AHCYL1: variants seen among roughly 807,000 people sequenced by gnomAD.
AHCYL1 encodes the protein adenosylhomocysteinase like 1, also known as S-adenosylhomocysteine hydrolase-like protein 1.
A neutral mutation model predicts 79.3 loss-of-function variants in AHCYL1; 20 were observed. The ratio of observed to expected loss-of-function variants is 0.25; its 90% CI spans 0.18 to 0.37. AHCYL1 has a LOEUF of 0.37. Ranked by LOEUF, AHCYL1 falls within the 10% of genes least tolerant of loss-of-function variation. The pLI, the probability that AHCYL1 is intolerant of heterozygous loss-of-function variation, is 1.00. For synonymous variants in AHCYL1, 223 were observed against 242.2 expected (o/e 0.92, Z 0.74); for missense variants, 330 against 673.6 (o/e 0.49, Z 5.65).
intron 11 of AHCYL1, 71 bp downstream of exon 11, chr1:110,018,087 C>A: frequency 1.3e-6 from 2 of 1,494,104 alleles, no homozygotes; most frequent in Non-Finnish European, 1.9e-6. Context: ...GACTTTCATA[C>A]AAAGGAGGTG....
At chr1:109,987,252 T>C (rs187360211) in intron 1 of AHCYL1, among the ~76,000 whole-genome samples, 4 of 152,344 alleles carry the variant, frequency 2.6e-5, no homozygotes, top group Admixed American at 2.0e-4. Flanking sequence ...AGGCAATCTG[T>C]TTTTCAGAAC....
intron 1 of AHCYL1, among the ~76,000 whole-genome samples, chr1:109,994,530 C>T (rs1280572351): frequency 1.3e-5 from 2 of 152,158 alleles, no homozygotes; most frequent in African/African-American, 2.4e-5. Context: ...CTCAGGTGAT[C>T]CACCCGCCAT....
At chr1:109,999,237 T>C (rs1237339407) in intron 1 of AHCYL1, among the ~76,000 whole-genome samples, 1 of 152,210 alleles carries the variant, frequency 6.6e-6, no homozygotes, top group Non-Finnish European at 1.5e-5. Context: ...GTCAAGCTAG[T>C]TAATATATCC....
intron 1 of AHCYL1, among the ~76,000 whole-genome samples, chr1:110,005,332 TCTAAGTTAAAC>T (rs763439355): frequency 8.5e-4 from 129 of 152,330 alleles, no homozygotes; most frequent in Non-Finnish European, 1.4e-3. Flanking sequence ...TGACAAGATG[TCTAAGTTAAAC>T]CTAAGTTAAA....
At chr1:110,006,511 AC>A (rs1398510921) in intron 1 of AHCYL1, among the ~76,000 whole-genome samples, 1 of 152,186 alleles carries the variant, frequency 6.6e-6, no homozygotes, top group Non-Finnish European at 1.5e-5. Flanking sequence ...AGTGAGTCCA[AC>A]CCAATCAGAA....
At chr1:110,001,100 C>T (rs903091015) in intron 1 of AHCYL1, 1 of 317,842 alleles carries the variant, frequency 3.1e-6, no homozygotes, top group Non-Finnish European at 4.5e-6. Flanking sequence ...AAGAGTTCAA[C>T]AAAAATGGTT....
intron 1 of AHCYL1, among the ~76,000 whole-genome samples, chr1:109,997,244 C>A (rs1340581414): frequency 6.6e-6 from 1 of 152,090 alleles, no homozygotes; most frequent in East Asian, 1.9e-4. Context: ...AATTCCTAGA[C>A]TGAGAGTGAT....
chr1:110,001,532 C>T (rs922071412), intron 1 of AHCYL1, among the ~76,000 whole-genome samples: 1 of 152,124 alleles, frequency 6.6e-6, no homozygotes, highest in Non-Finnish European at 1.5e-5. Context: ...GGTTCTTATA[C>T]CCTATGAACC....
intron 1 of AHCYL1, among the ~76,000 whole-genome samples, chr1:109,993,939 A>C (rs537829676): frequency 1.3e-5 from 2 of 152,316 alleles, no homozygotes; most frequent in African/African-American, 4.8e-5. Flanking sequence ...TTGATTTTGG[A>C]AAGTACATTG....
intron 1 of AHCYL1, among the ~76,000 whole-genome samples, chr1:109,994,141 T>C (rs1649902750): frequency 6.6e-6 from 1 of 152,242 alleles, no homozygotes; most frequent in South Asian, 2.1e-4. Flanking sequence ...CCAATGCTTA[T>C]CCTAGCCAGA....
chr1:110,019,214 A>T, intron 14 of AHCYL1, 95 bp downstream of exon 14: 1 of 1,232,518 alleles, frequency 8.1e-7, no homozygotes, highest in East Asian at 2.3e-5. Context: ...TGTTCTCATC[A>T]TCCTATTCTT....
At position 110,012,873 on chromosome 1, in the gene AHCYL1, C is replaced by T. The variant is rs202012516; in HGVS notation, c.478-24C>T. The T allele has an allele frequency of 5.7e-6, 9 of 1,590,138 alleles. No individual in the cohort carries two copies. The East Asian group carries it at 1.4e-4, about 24-fold the overall frequency. ...CTGGGTGGCCCTTCTCTTCCTCACC[C>T]TGTCTTCCTACACTTCTACACAGGT... On this transcript the variant is annotated intron_variant, in intron 4 of 16. Coordinates refer to ENST00000369799, the MANE Select transcript of AHCYL1 (RefSeq NM_006621.7).
intron 1 of AHCYL1, among the ~76,000 whole-genome samples, chr1:109,992,744 T>G (rs774449586): frequency 8.5e-5 from 13 of 152,216 alleles, no homozygotes; most frequent in Admixed American, 3.9e-4. Context: ...TCTTACTCTT[T>G]GAGTCAGAGG....
chr1:110,011,396 C>G (rs745488490), intron 3 of AHCYL1, 39 bp downstream of exon 3: 2 of 1,604,028 alleles, frequency 1.2e-6, no homozygotes, highest in Non-Finnish European at 1.7e-6. Flanking sequence ...AGAAACAACC[C>G]TCTTGTTGGC....
chr1:110,011,032 A>T (rs1417186038), intron 2 of AHCYL1, among the ~76,000 whole-genome samples, 182 bp from the exon 3 acceptor site: 1 of 152,194 alleles, frequency 6.6e-6, no homozygotes, highest in Non-Finnish European at 1.5e-5. Flanking sequence ...GGAAGTACCC[A>T]CAACAGTTTC....
intron 10 of AHCYL1, 114 bp from the exon 11 acceptor site, chr1:110,017,831 AT>A: frequency 9.1e-7 from 1 of 1,095,916 alleles, no homozygotes; most frequent in Non-Finnish European, 1.4e-6. Flanking sequence ...ATCACTCACC[AT>A]TCCTGTGAGG....
At chr1:110,006,010 C>G (rs1224311232) in intron 1 of AHCYL1, among the ~76,000 whole-genome samples, 1 of 152,100 alleles carries the variant, frequency 6.6e-6, no homozygotes, top group African/African-American at 2.4e-5. Context: ...ACCTGCTAAG[C>G]TATTTGAAGA....
intron 1 of AHCYL1, among the ~76,000 whole-genome samples, chr1:109,999,939 A>G (rs774016043): frequency 1.3e-5 from 2 of 152,074 alleles, no homozygotes; most frequent in African/African-American, 2.4e-5. Flanking sequence ...TTTTAGACAT[A>G]AGACTTGGAA....
intron 1 of AHCYL1, chr1:110,004,545 T>C (rs1369129239): frequency 1.0e-6 from 1 of 956,194 alleles, no homozygotes; most frequent in Non-Finnish European, 1.2e-6. Flanking sequence ...TTCAGACTTG[T>C]GTATTTCTTG....
Sources: allele counts gnomAD v4.1 joint callset (sites outside exome capture counted in the v4.1 genomes callset), GRCh38; gene constraint gnomAD v4.1.1; transcripts MANE v1.5; gene names NCBI Gene and HGNC (gene_info 2026-07-23, HGNC 2026-07-21).